Variants in NPIPB4 observed in about 807,000 individuals in gnomAD.
The protein encoded by NPIPB4 is nuclear pore complex interacting protein family member B4, also known as nuclear pore complex-interacting protein family member B4.
For synonymous variants in NPIPB4, 31 were observed against 194.1 expected (o/e 0.16, Z 6.99); for missense variants, 105 against 513.7 (o/e 0.20, Z 7.69).
intron 2 of NPIPB4, among the ~76,000 whole-genome samples, chr16:21,850,047 A>C (rs1389270105): frequency 1.4e-5 from 1 of 73,416 alleles, no homozygotes; most frequent in African/African-American, 4.4e-5. Context: ...GGATCACCTG[A>C]GGTCGGGAGT....
chr16:21,850,377 G>A (rs1181361767), intron 2 of NPIPB4, among the ~76,000 whole-genome samples: 1 of 150,930 alleles, frequency 6.6e-6, no homozygotes, highest in Non-Finnish European at 1.5e-5. Flanking sequence ...TTTTGGCCAG[G>A]CGCGGTGGCT....
At position 21,847,473 on chromosome 16, in the gene NPIPB4, G is replaced by A. The variant is rs1370529019; in HGVS notation, c.189C>T (p.Val63=). The A allele has an allele frequency of 6.3e-7, 1 of 1,585,952 alleles. No individual in the cohort carries two copies. Among genetic ancestry groups the A allele is most frequent in the East Asian group, 2.3e-5 (1 of 43,742 alleles). Residue 63 remains valine, a synonymous_variant, in exon 3 of 8, where the codon GTC becomes GTT. Coordinates refer to ENST00000682606, the MANE Select transcript of NPIPB4 (RefSeq NM_001384980.1). ...TDFGGSPWLH[V]IIAFPTSYKV... is the part of the protein sequence containing the mutation. ...TATAACTTGTCGGAAATGCAATAAT[G>A]ACATGTAACCAAGGACTTCCACCAA...
chr16:21,847,280 TAATA>T, intron 3 of NPIPB4, 129 bp downstream of exon 3: 2 of 497,202 alleles, frequency 4.0e-6, no homozygotes, highest in Non-Finnish European at 6.1e-6. Flanking sequence ...ATTCTTATAC[TAATA>T]AATCATTTCC....
At chr16:21,850,295 C>T (rs1252126333) in intron 2 of NPIPB4, among the ~76,000 whole-genome samples, 6 of 147,560 alleles carry the variant, frequency 4.1e-5, no homozygotes, top group African/African-American at 1.5e-4. Flanking sequence ...TAATGTAGAT[C>T]TTGAAAGGGG....
chr16:21,850,260 A>T (rs376588258), intron 2 of NPIPB4, among the ~76,000 whole-genome samples: 2,907 of 89,958 alleles, frequency 0.032, 51 homozygotes, highest in African/African-American at 0.073. Context: ...AAACTGTCTC[A>T]AAATAAATAA....
At chr16:21,850,603 C>G (rs1288825280) in intron 2 of NPIPB4, among the ~76,000 whole-genome samples, 1 of 116,122 alleles carries the variant, frequency 8.6e-6, no homozygotes, top group African/African-American at 3.6e-5. Context: ...ACCCCAGAAG[C>G]GGAGGTTGCA....
At chr16:21,842,247 CA>C (rs1901864601) in intron 5 of NPIPB4, among the ~76,000 whole-genome samples, 1 of 92,680 alleles carries the variant, frequency 1.1e-5, no homozygotes, top group East Asian at 3.5e-4. Context: ...TTGAATTCAA[CA>C]ATCCAGGCTG....
intron 2 of NPIPB4, chr16:21,851,244 C>A: frequency 5.2e-6 from 1 of 193,244 alleles, no homozygotes; most frequent in South Asian, 4.1e-5. Context: ...GGGACCGGGG[C>A]CGGATCTGAG....
rs761476871 is a variant in NPIPB4, at chr16:21,837,351, G to C, written c.1036C>G (p.Leu346Val). 1 of 1,339,134 alleles carries C rather than the reference G, an allele frequency of 7.5e-7. No individual in the cohort carries two copies. Among genetic ancestry groups the C allele is most frequent in the Non-Finnish European group, 9.4e-7 (1 of 1,066,188 alleles). 83.0% of individuals were successfully genotyped at this position (1,339,134 alleles called of 1,614,324 possible). The change falls in exon 8 of 8, where the codon CTG becomes GTG. Residue 346 changes from leucine to valine, a missense_variant. Coordinates refer to ENST00000682606, the MANE Select transcript of NPIPB4 (RefSeq NM_001384980.1). ...GCTGAGGGTGGAAGGGGAGTGAGCA[G>C]ACACTCGGGAGGTGTCTTGAGTTTA... ...DDKLKTPPEC[L>V]LTPLPPSALP...
chr16:21,846,000 C>T (rs1902101441), intron 3 of NPIPB4, among the ~76,000 whole-genome samples: 1 of 139,184 alleles, frequency 7.2e-6, no homozygotes, highest in South Asian at 2.6e-4. Flanking sequence ...CATGGTAAAA[C>T]CCCGACTCTA....
At chr16:21,850,570 G>T (rs1350042311) in intron 2 of NPIPB4, among the ~76,000 whole-genome samples, 3 of 147,242 alleles carry the variant, frequency 2.0e-5, no homozygotes. Context: ...TACTCAGGAG[G>T]CTGAGGCAGG....
At position 21,835,861 on chromosome 16, in the gene NPIPB4, A is replaced by C; in HGVS notation, c.2526T>G (p.Asp842Glu). ...GCTCGGAAGGTGTCTTGAGATTATC[A>C]TCCGCTGAGGGTGGAAGCGGCCCCC... ...RLRGPLPPSADDNLKTPSERQ... is the reference protein window; with the variant it reads ...RLRGPLPPSAEDNLKTPSERQ... Residue 842 changes from aspartate (D) to glutamate (E), a missense_variant, in exon 8 of 8, where the codon GAT becomes GAG. By Grantham distance (45) the Asp-to-Glu change is conservative. Transcript: ENST00000682606. 1 of 450,448 alleles carries C rather than the reference A, an allele frequency of 2.2e-6. No homozygotes were observed. The highest frequency in any genetic ancestry group is 3.7e-6 in the Non-Finnish European group (1 of 270,744). The allele number at this position is 450,448 out of a possible 1,614,324, so 27.9% of individuals were successfully genotyped here.
chr16:21,850,237 G>T (rs1902379054), intron 2 of NPIPB4, among the ~76,000 whole-genome samples: 2 of 144,000 alleles, frequency 1.4e-5, no homozygotes, highest in Non-Finnish European at 3.1e-5. Context: ...CTCCAGCCTG[G>T]GCAACAAGGG....
At chr16:21,850,286 A>G (rs1902388794) in intron 2 of NPIPB4, among the ~76,000 whole-genome samples, 1 of 149,006 alleles carries the variant, frequency 6.7e-6, no homozygotes, top group East Asian at 2.0e-4. Context: ...TAAATAAAAT[A>G]ATGTAGATCT....
chr16:21,840,326 TTGTAGGTG>T (rs1361379609), intron 5 of NPIPB4, among the ~76,000 whole-genome samples: 2 of 56,344 alleles, frequency 3.5e-5, no homozygotes, highest in Non-Finnish European at 7.7e-5. Flanking sequence ...CTGAACTCAC[TTGTAGGTG>T]TGTATTTCTT....
In NPIPB4 at chr16:21,837,332, G is replaced by A; in HGVS notation, c.1055C>T (p.Pro352Leu). The A allele has an allele frequency of 6.8e-6, 9 of 1,325,146 alleles. 2 individuals are homozygous for A. The highest frequency in any genetic ancestry group is 8.5e-6 in the Non-Finnish European group (9 of 1,055,780). The allele number at this position is 1,325,146 out of a possible 1,614,324, so 82.1% of individuals were successfully genotyped here. Residue 352 changes from proline to leucine, a missense_variant, in exon 8 of 8, where the codon CCC becomes CTC. Transcript: ENST00000682606. ...PPECLLTPLP[P>L]SALPSAPPSA... The stretch of plus-strand genomic sequence containing the variant: ...GGGTGGAGCTGAGGGTAGAGCTGAG[G>A]GTGGAAGGGGAGTGAGCAGACACTC...
At chr16:21,850,003 T>TATCATTAAGAAA (rs1194565090) in intron 2 of NPIPB4, among the ~76,000 whole-genome samples, 2 of 21,394 alleles carry the variant, frequency 9.3e-5, no homozygotes, top group African/African-American at 3.0e-4. Context: ...GGTTCACGCC[T>TATCATTAAGAAA]GTAATCCCAA....
chr16:21,841,199 A>G (rs368661128), intron 5 of NPIPB4, among the ~76,000 whole-genome samples: 2 of 141,594 alleles, frequency 1.4e-5, no homozygotes, highest in Admixed American at 7.5e-5. Flanking sequence ...GAAACGGCCT[A>G]AAAAGGGTAA....
chr16:21,850,501 T>C (rs1248488734), intron 2 of NPIPB4, among the ~76,000 whole-genome samples: 3 of 151,792 alleles, frequency 2.0e-5, no homozygotes, highest in Non-Finnish European at 4.4e-5. Context: ...ACACAAAAAT[T>C]AGCCAGGCGT....
Sources: gnomAD v4.1 joint callset for allele counts (sites outside exome capture counted in the v4.1 genomes callset) on GRCh38, gnomAD v4.1.1 for gene constraint, MANE v1.5 for transcripts, NCBI Gene and HGNC (gene_info 2026-07-23, HGNC 2026-07-21) for gene names.